The following SCML4 variants were observed in gnomAD, a reference collection of about 807,000 sequenced individuals.
SCML4 encodes the protein sex comb on midleg-like protein 4.
A neutral mutation model predicts 41.1 loss-of-function variants in SCML4; 34 were observed. The observed-to-expected ratio is 0.83, with a 90% CI of 0.63 to 1.10. The LOEUF (loss-of-function observed/expected upper bound fraction) is 1.10, where lower values mean the gene tolerates loss of function less well. Ranked by LOEUF, SCML4 falls within the 50% of genes least tolerant of loss-of-function variation. The pLI is 0.00. For synonymous variants in SCML4, 214 were observed against 220.9 expected (o/e 0.97, Z 0.28); for missense variants, 522 against 534.1 (o/e 0.98, Z 0.22).
intron 2 of SCML4, among the ~76,000 whole-genome samples, chr6:107,751,108 T>C (rs1778581650): frequency 6.6e-6 from 1 of 152,170 alleles, no homozygotes; most frequent in South Asian, 2.1e-4. Flanking sequence ...ACAAAAATCT[T>C]TGGCCTCATG....
intron 1 of SCML4, among the ~76,000 whole-genome samples, chr6:107,811,575 C>T (rs9486724): frequency 0.023 from 3,436 of 152,226 alleles, 126 homozygotes; most frequent in African/African-American, 0.079. Context: ...CCAAATGCCC[C>T]CATCAAAAGG....
intron 6 of SCML4, among the ~76,000 whole-genome samples, chr6:107,716,514 C>G (rs1338263736): frequency 6.6e-6 from 1 of 152,144 alleles, no homozygotes; most frequent in East Asian, 1.9e-4. Context: ...CAATAAATAA[C>G]AGTCTGATAC....
the SCML4 span, among the ~76,000 whole-genome samples, chr6:107,839,396 A>AGAAAGAAAGAAC: frequency 4.8e-5 from 7 of 144,856 alleles, no homozygotes; most frequent in African/African-American, 1.9e-4. Context: ...AAAGAAAGAA[A>AGAAAGAAAGAAC]GAAAGAAAGA....
intron 1 of SCML4, among the ~76,000 whole-genome samples, chr6:107,776,074 A>G (rs1780920189): frequency 6.6e-6 from 1 of 152,192 alleles, no homozygotes; most frequent in African/African-American, 2.4e-5. Context: ...CAACATTTGT[A>G]TGTTCTCGGA....
intron 2 of SCML4, among the ~76,000 whole-genome samples, chr6:107,752,431 G>A (rs1778773030): frequency 6.6e-6 from 1 of 152,048 alleles, no homozygotes; most frequent in Admixed American, 6.6e-5. Context: ...CCATAATAAT[G>A]GAAGATATCA....
chr6:107,772,310 G>T lies in SCML4; in HGVS notation c.18C>A (p.Ile6=). 6.4e-7 allele frequency: 1 copy of T among 1,551,226 alleles called. No homozygotes were observed. The highest frequency in any genetic ancestry group is 8.7e-7 in the Non-Finnish European group (1 of 1,146,750). ...AGGGTCGGCCTCGCTTTCTCCCCGG[G>T]ATCCTTTGAGACTGCATTTCTGCTG... MQSQR[I]PGRKRGRPSL... The change falls in exon 2 of 8, where the codon ATC becomes ATA. Residue 6 remains isoleucine (I), a synonymous_variant. Transcript: ENST00000369020.
At chr6:107,751,793 G>A (rs570744794) in intron 2 of SCML4, among the ~76,000 whole-genome samples, 118 of 151,908 alleles carry the variant, frequency 7.8e-4, no homozygotes, top group African/African-American at 2.8e-3. Context: ...CCGCCACCAC[G>A]CCTAGCTAAT....
At chr6:107,838,767 C>T in the SCML4 span, among the ~76,000 whole-genome samples, 11 of 152,036 alleles carry the variant, frequency 7.2e-5, no homozygotes, top group African/African-American at 2.2e-4. Flanking sequence ...GCTTAGAAAA[C>T]CAAACAACAA....
At chr6:107,754,159 G>C (rs1778919210) in intron 2 of SCML4, among the ~76,000 whole-genome samples, 1 of 152,166 alleles carries the variant, frequency 6.6e-6, no homozygotes, top group Non-Finnish European at 1.5e-5. Flanking sequence ...GTGCTAAATG[G>C]GTGCTGAATT....
At chr6:107,827,197 T>C (rs1427692840), upstream of SCML4, among the ~76,000 whole-genome samples, 1 of 147,552 alleles carries the variant, frequency 6.8e-6, no homozygotes, top group Admixed American at 6.8e-5. Flanking sequence ...ATTTAATAAA[T>C]ATGTAAATAT....
At chr6:107,768,945 C>G (rs980283838) in intron 2 of SCML4, among the ~76,000 whole-genome samples, 2 of 152,056 alleles carry the variant, frequency 1.3e-5, no homozygotes, top group Admixed American at 1.3e-4. Context: ...CACTGCAGCC[C>G]CCTCTGTTTC....
chr6:107,726,174 T>G (rs901798264), intron 5 of SCML4, among the ~76,000 whole-genome samples: 1 of 151,568 alleles, frequency 6.6e-6, no homozygotes, highest in African/African-American at 2.4e-5. Context: ...CAGGGACTTG[T>G]ATATCTTGTA....
intron 1 of SCML4, among the ~76,000 whole-genome samples, chr6:107,795,465 A>C (rs1258248485): frequency 1.3e-5 from 2 of 152,192 alleles, no homozygotes; most frequent in East Asian, 3.8e-4. Flanking sequence ...GTTTTGACAA[A>C]TGTATACACC....
At chr6:107,778,655 C>T (rs7741517) in intron 1 of SCML4, among the ~76,000 whole-genome samples, 146,507 of 152,216 alleles carry the variant, frequency 0.96, 70,734 homozygotes, top group Non-Finnish European at 1. Context: ...GCAAATCTAA[C>T]ACATATCAAC....
chr6:107,827,292 ATATT>A (rs960574517), upstream of SCML4, among the ~76,000 whole-genome samples: 6 of 146,856 alleles, frequency 4.1e-5, no homozygotes, highest in East Asian at 2.0e-4. Flanking sequence ...ATTTAAATAT[ATATT>A]TGTTTTTTAC....
At chr6:107,744,364 C>T (rs1022110554) in intron 5 of SCML4, among the ~76,000 whole-genome samples, 1 of 152,198 alleles carries the variant, frequency 6.6e-6, no homozygotes, top group Non-Finnish European at 1.5e-5. Flanking sequence ...CAAAAAGGTG[C>T]TCAACCCCTA....
intron 5 of SCML4, among the ~76,000 whole-genome samples, chr6:107,735,961 T>C (rs1300083454): frequency 6.6e-6 from 1 of 152,130 alleles, no homozygotes; most frequent in East Asian, 1.9e-4. Flanking sequence ...CCCCCTTTAT[T>C]TCTTTTCTTT....
At chr6:107,719,948 T>C in intron 6 of SCML4, 3 of 985,496 alleles carry the variant, frequency 3.0e-6, no homozygotes, top group South Asian at 4.7e-5. Context: ...GCCTTCAAGC[T>C]ATTACTATAA....
At chr6:107,833,331 G>A in the SCML4 span, among the ~76,000 whole-genome samples, 3 of 152,176 alleles carry the variant, frequency 2.0e-5, no homozygotes, top group Admixed American at 1.3e-4. Context: ...TTGGGTAGGG[G>A]TTAAGAGCCG....
Sources: gnomAD v4.1 joint callset for allele counts (sites outside exome capture counted in the v4.1 genomes callset) on GRCh38, gnomAD v4.1.1 for gene constraint, MANE v1.5 for transcripts, NCBI Gene and HGNC (gene_info 2026-07-23, HGNC 2026-07-21) for gene names.